KCNIP1: variants seen among roughly 807,000 people sequenced by gnomAD.
KCNIP1 encodes the protein potassium voltage-gated channel interacting protein 1.
Under a neutral mutation model 33.0 loss-of-function variants are expected in KCNIP1, and 18 were observed. The observed-to-expected ratio is 0.55, with a 90% CI of 0.38 to 0.81. The LOEUF is 0.81. KCNIP1 is among the 30% of genes least tolerant of loss of function. The pLI, the probability that KCNIP1 is intolerant of heterozygous loss-of-function variation, is 0.00. For synonymous variants in KCNIP1, 93 were observed against 98.3 expected (o/e 0.95, Z 0.32); for missense variants, 238 against 271.6 (o/e 0.88, Z 0.87).
intron 1 of KCNIP1, among the ~76,000 whole-genome samples, chr5:170,662,673 G>C (rs1761546121): frequency 6.6e-6 from 1 of 152,326 alleles, no homozygotes; most frequent in East Asian, 1.9e-4. Context: ...CTTAGGTTCT[G>C]TTGTCACAAG....
intron 1 of KCNIP1, chr5:170,374,915 A>G (rs1473472066): frequency 6.6e-6 from 1 of 152,172 alleles, no homozygotes; most frequent in African/African-American, 2.4e-5. Flanking sequence ...TTAATAATTT[A>G]TGGGACAGTG....
intron 1 of KCNIP1, among the ~76,000 whole-genome samples, chr5:170,622,590 C>G (rs1759645703): frequency 6.7e-6 from 1 of 148,550 alleles, no homozygotes; most frequent in Non-Finnish European, 1.5e-5. Flanking sequence ...CCACTGCACT[C>G]CAGCCTAGGT....
intron 1 of KCNIP1, among the ~76,000 whole-genome samples, chr5:170,495,058 T>C (rs2113209650): frequency 6.6e-6 from 1 of 152,372 alleles, no homozygotes; most frequent in South Asian, 2.1e-4. Context: ...CTTCAATCAC[T>C]GAACTTAATT....
chr5:170,598,262 G>C (rs988597580), intron 1 of KCNIP1, among the ~76,000 whole-genome samples: 6 of 152,198 alleles, frequency 3.9e-5, no homozygotes, highest in African/African-American at 1.4e-4. Flanking sequence ...GAAGCTGGGA[G>C]GAGGCAGGAA....
At chr5:170,701,025 A>G (rs989756651) in intron 1 of KCNIP1, among the ~76,000 whole-genome samples, 1 of 152,196 alleles carries the variant, frequency 6.6e-6, no homozygotes, top group Non-Finnish European at 1.5e-5. Context: ...CACAACCATT[A>G]TCCCACTCAA....
intron 1 of KCNIP1, among the ~76,000 whole-genome samples, chr5:170,538,411 G>A (rs1315494010): frequency 2.0e-5 from 3 of 152,096 alleles, no homozygotes; most frequent in Non-Finnish European, 4.4e-5. Context: ...GGGGTGGTGA[G>A]TAGGAAGCCT....
chr5:170,653,845 C>T (rs1012720096), intron 1 of KCNIP1, among the ~76,000 whole-genome samples: 1 of 152,080 alleles, frequency 6.6e-6, no homozygotes, highest in African/African-American at 2.4e-5. Flanking sequence ...CAGCCTTCCA[C>T]TCCCACCCTG....
chr5:170,522,979 G>A (rs1271055047), intron 1 of KCNIP1, among the ~76,000 whole-genome samples: 1 of 152,234 alleles, frequency 6.6e-6, no homozygotes, highest in Non-Finnish European at 1.5e-5. Flanking sequence ...CAGTGCCTTA[G>A]TAGGAATTAT....
intron 1 of KCNIP1, among the ~76,000 whole-genome samples, chr5:170,680,014 C>T (rs1256420201): frequency 2.6e-5 from 4 of 152,194 alleles, no homozygotes; most frequent in Non-Finnish European, 4.4e-5. Context: ...AATTTACCTT[C>T]CTACAAGTGA....
intron 1 of KCNIP1, chr5:170,678,883 A>T (rs1762234839): frequency 6.6e-6 from 1 of 152,280 alleles, no homozygotes. Flanking sequence ...GAAACCTAGA[A>T]GAGATACAGC....
At chr5:170,416,760 G>T (rs1374935185) in intron 1 of KCNIP1, among the ~76,000 whole-genome samples, 1 of 151,924 alleles carries the variant, frequency 6.6e-6, no homozygotes, top group Non-Finnish European at 1.5e-5. Context: ...GGGCAAACAG[G>T]AAATAAGTTA....
intron 2 of KCNIP1, 39 bp downstream of exon 2, chr5:170,718,921 C>T: frequency 6.3e-7 from 1 of 1,591,202 alleles, no homozygotes; most frequent in Non-Finnish European, 8.5e-7. Context: ...GGGGGGGGTT[C>T]CCACGTGAGG....
At chr5:170,394,052 GA>G (rs1232623426) in intron 1 of KCNIP1, among the ~76,000 whole-genome samples, 1 of 152,218 alleles carries the variant, frequency 6.6e-6, no homozygotes. Flanking sequence ...ACTGCTCAGA[GA>G]GAGTTGCTGT....
intron 1 of KCNIP1, among the ~76,000 whole-genome samples, chr5:170,652,114 G>A (rs1024396661): frequency 1.3e-5 from 2 of 152,158 alleles, no homozygotes; most frequent in Non-Finnish European, 2.9e-5. Flanking sequence ...GGAAGACAAA[G>A]AGGAGAGTGC....
chr5:170,526,719 C>CTTTTTTGCT (rs774926936), intron 1 of KCNIP1, among the ~76,000 whole-genome samples: 2,616 of 122,780 alleles, frequency 0.021, 98 homozygotes, highest in African/African-American at 0.08. Context: ...ATCTGATTAG[C>CTTTTTTGCT]TTTTTTTTTT....
chr5:170,422,496 C>G (rs1439902855), intron 1 of KCNIP1: 1 of 152,146 alleles, frequency 6.6e-6, no homozygotes, highest in African/African-American at 2.4e-5. Flanking sequence ...GGCAAGAAGC[C>G]GGGACTTGGA....
At chr5:170,353,615 C>A (rs1763268804) in exon 1 of KCNIP1, 3 of 554,944 alleles carry the variant, frequency 5.4e-6, no homozygotes, top group Admixed American at 3.1e-5. Flanking sequence ...CCCTGGCATC[C>A]TGAGGTCCTC....
chr5:170,685,463 T>C (rs773838729), intron 1 of KCNIP1, among the ~76,000 whole-genome samples: 1 of 149,976 alleles, frequency 6.7e-6, no homozygotes, highest in Non-Finnish European at 1.5e-5. Flanking sequence ...GAATATCTTG[T>C]ATTTTGTAGT....
chr5:170,378,464 C>A (rs1581125768), intron 1 of KCNIP1: 1 of 531,328 alleles, frequency 1.9e-6, no homozygotes, highest in Admixed American at 3.5e-5. Flanking sequence ...TAATAGAGAG[C>A]TAGAACTGGC....
Sources: allele counts gnomAD v4.1 joint callset (sites outside exome capture counted in the v4.1 genomes callset), GRCh38; gene constraint gnomAD v4.1.1; transcripts MANE v1.5; gene names NCBI Gene and HGNC (gene_info 2026-07-23, HGNC 2026-07-21).